The following ANKS1B variants were observed in gnomAD, a reference collection of about 807,000 sequenced individuals.
The protein encoded by ANKS1B is ankyrin repeat and sterile alpha motif domain containing 1B.
In ANKS1B, 36 loss-of-function variants were observed where a neutral mutation model predicts 148.3. The observed-to-expected ratio is 0.24, with a 90% confidence interval of 0.19 to 0.32. The LOEUF (loss-of-function observed/expected upper bound fraction) is 0.32. Among genes scored for constraint, ANKS1B ranks in the 10% least tolerant of loss-of-function variants. The probability of loss-of-function intolerance (pLI) is 1.00; values close to 1 mark genes in which losing one functional copy is unlikely to be tolerated. For synonymous variants in ANKS1B, 542 were observed against 560.8 expected (o/e 0.97, Z 0.47); for missense variants, 1,157 against 1,542.6 (o/e 0.75, Z 4.19).
At chr12:98,935,132 A>G (rs1457632745) in intron 17 of ANKS1B, among the ~76,000 whole-genome samples, 2 of 152,162 alleles carry the variant, frequency 1.3e-5, no homozygotes, top group Non-Finnish European at 2.9e-5. Flanking sequence ...CACCTTAATT[A>G]TAATATGTTG....
intron 17 of ANKS1B, among the ~76,000 whole-genome samples, chr12:98,850,073 A>G (rs1434966051): frequency 7.7e-6 from 1 of 130,072 alleles, no homozygotes; most frequent in Non-Finnish European, 1.6e-5. Flanking sequence ...CCTGCAGAAA[A>G]TTTATGTGAC....
intron 17 of ANKS1B, among the ~76,000 whole-genome samples, chr12:98,958,539 G>T (rs1336810450): frequency 6.6e-6 from 1 of 152,142 alleles, no homozygotes; most frequent in Non-Finnish European, 1.5e-5. Context: ...ACGACTGGTA[G>T]CATGTGTTTG....
At chr12:99,017,899 A>G (rs2099943492) in intron 17 of ANKS1B, among the ~76,000 whole-genome samples, 1 of 152,146 alleles carries the variant, frequency 6.6e-6, no homozygotes, top group African/African-American at 2.4e-5. Flanking sequence ...TCTCACTAGT[A>G]TGTAATCACT....
At chr12:98,865,951 T>C (rs1400063444) in intron 17 of ANKS1B, among the ~76,000 whole-genome samples, 7 of 152,124 alleles carry the variant, frequency 4.6e-5, no homozygotes, top group African/African-American at 1.7e-4. Flanking sequence ...AGGGCATGCT[T>C]CCTAATAGAT....
chr12:99,235,054 G>A (rs2153956497), intron 14 of ANKS1B, among the ~76,000 whole-genome samples: 1 of 152,232 alleles, frequency 6.6e-6, no homozygotes, highest in South Asian at 2.1e-4. Context: ...TGGGGACTGA[G>A]TCTCCACTTT....
chr12:99,936,028 C>T (rs2094759262), intron 1 of ANKS1B, among the ~76,000 whole-genome samples: 1 of 152,074 alleles, frequency 6.6e-6, no homozygotes, highest in Non-Finnish European at 1.5e-5. Flanking sequence ...AGGGGAAATG[C>T]CAGATGTTTA....
At chr12:99,847,349 C>T (rs1409875784) in intron 1 of ANKS1B, among the ~76,000 whole-genome samples, 1 of 152,080 alleles carries the variant, frequency 6.6e-6, no homozygotes, top group East Asian at 1.9e-4. Flanking sequence ...AATAGAATTC[C>T]TCTTCCCCAA....
intron 5 of ANKS1B, among the ~76,000 whole-genome samples, chr12:99,780,173 A>G (rs2064115173): frequency 6.6e-6 from 1 of 152,168 alleles, no homozygotes; most frequent in African/African-American, 2.4e-5. Context: ...AGCAAGAAAG[A>G]AGGCAGGGGC....
chr12:99,544,434 TGAAACTGCGAGA>T (rs1239394117), intron 9 of ANKS1B, among the ~76,000 whole-genome samples: 1 of 152,184 alleles, frequency 6.6e-6, no homozygotes, highest in Admixed American at 6.6e-5. Flanking sequence ...AGCAAGTCAC[TGAAACTGCGAGA>T]TTTCTTCATG....
intron 10 of ANKS1B, among the ~76,000 whole-genome samples, chr12:99,485,850 A>G (rs1260137958): frequency 6.6e-6 from 1 of 152,118 alleles, no homozygotes; most frequent in Non-Finnish European, 1.5e-5. Context: ...GTAACGCCCT[A>G]AGTGTATCTT....
intron 1 of ANKS1B, among the ~76,000 whole-genome samples, chr12:99,909,124 C>A (rs1028928977): frequency 6.7e-6 from 1 of 150,084 alleles, no homozygotes; most frequent in Non-Finnish European, 1.5e-5. Flanking sequence ...TCTTTCTGTG[C>A]CTGGCTTTTT....
chr12:99,733,416 G>T (rs1464198321), intron 8 of ANKS1B, among the ~76,000 whole-genome samples: 2 of 152,184 alleles, frequency 1.3e-5, no homozygotes, highest in African/African-American at 4.8e-5. Flanking sequence ...AGCTTGCCAT[G>T]ATACGACAAT....
intron 15 of ANKS1B, among the ~76,000 whole-genome samples, chr12:99,135,611 A>C (rs1376587327): frequency 6.6e-6 from 1 of 152,212 alleles, no homozygotes; most frequent in Non-Finnish European, 1.5e-5. Flanking sequence ...ACTCAGAAAA[A>C]TTACATCCGG....
chr12:99,190,287 T>C (rs1024658812), intron 14 of ANKS1B, among the ~76,000 whole-genome samples: 4 of 152,138 alleles, frequency 2.6e-5, no homozygotes, highest in African/African-American at 9.7e-5. Flanking sequence ...ATAGATACAA[T>C]GCTATCCCCA....
intron 9 of ANKS1B, among the ~76,000 whole-genome samples, chr12:99,627,641 T>A (rs1369484071): frequency 1.3e-5 from 2 of 152,140 alleles, no homozygotes; most frequent in African/African-American, 2.4e-5. Flanking sequence ...TCAACAAACA[T>A]AGCCTGAGGG....
intron 25 of ANKS1B, among the ~76,000 whole-genome samples, chr12:98,761,907 C>G (rs969768027): frequency 6.6e-6 from 1 of 152,300 alleles, no homozygotes; most frequent in African/African-American, 2.4e-5. Flanking sequence ...TTTGACCTGC[C>G]TTGCAGTGCT....
intron 9 of ANKS1B, among the ~76,000 whole-genome samples, chr12:99,610,798 T>C (rs1208689428): frequency 6.6e-6 from 1 of 152,084 alleles, no homozygotes; most frequent in Non-Finnish European, 1.5e-5. Flanking sequence ...TGTACAACAA[T>C]GAATGAAAAC....
chr12:99,969,518 C>T (rs2095532894), intron 1 of ANKS1B, among the ~76,000 whole-genome samples: 1 of 152,070 alleles, frequency 6.6e-6, no homozygotes, highest in African/African-American at 2.4e-5. Flanking sequence ...CTGACAAGGG[C>T]ATATTTTTAA....
intron 8 of ANKS1B, among the ~76,000 whole-genome samples, chr12:99,739,842 A>G (rs2059932813): frequency 6.6e-6 from 1 of 152,148 alleles, no homozygotes; most frequent in South Asian, 2.1e-4. Context: ...TGAGCATTCC[A>G]TGTAAGCCTA....
Sources: allele counts gnomAD v4.1 joint callset (sites outside exome capture counted in the v4.1 genomes callset), GRCh38; gene constraint gnomAD v4.1.1; transcripts MANE v1.5; gene names NCBI Gene and HGNC (gene_info 2026-07-23, HGNC 2026-07-21).